TATDN1: variants seen among roughly 807,000 people sequenced by gnomAD.
The protein encoded by TATDN1 is deoxyribonuclease TATDN1.
Under a neutral mutation model 46.4 loss-of-function variants are expected in TATDN1, and 40 were observed. That is an observed-to-expected ratio of 0.86 (90% CI 0.67 to 1.12). The LOEUF is 1.12. Ranked by LOEUF, TATDN1 falls within the 50% of genes most tolerant of loss-of-function variation. TATDN1 has a pLI of 0.00. For missense variants in TATDN1, 326 were observed against 348.4 expected (o/e 0.94, Z 0.51); for synonymous variants, 95 against 105.6 (o/e 0.90, Z 0.62).
At chr8:124,521,987 AGT>A (rs1172257289) in intron 3 of TATDN1, 162 bp downstream of exon 3, 35 of 545,640 alleles carry the variant, frequency 6.4e-5, no homozygotes, top group Non-Finnish European at 1.0e-4. Context: ...CTATGAACAG[AGT>A]ATTTTGATAT....
intron 1 of TATDN1, among the ~76,000 whole-genome samples, chr8:124,529,051 A>G (rs1021446890): frequency 3.3e-5 from 5 of 152,188 alleles, no homozygotes; most frequent in African/African-American, 1.2e-4. Flanking sequence ...AATGGTCATG[A>G]GCAATCCTGA....
At chr8:124,529,733 T>A (rs1053584153) in intron 1 of TATDN1, among the ~76,000 whole-genome samples, 1 of 152,226 alleles carries the variant, frequency 6.6e-6, no homozygotes, top group Non-Finnish European at 1.5e-5. Context: ...TGTAGGGATA[T>A]ATTTTTAACT....
intron 2 of TATDN1, among the ~76,000 whole-genome samples, chr8:124,522,702 A>T (rs1384559022): frequency 6.6e-6 from 1 of 152,134 alleles, no homozygotes; most frequent in African/African-American, 2.4e-5. Flanking sequence ...TACAGGCATG[A>T]GCCACTGCGC....
intron 8 of TATDN1, chr8:124,504,742 G>C (rs1818258148): frequency 6.6e-6 from 1 of 152,626 alleles, no homozygotes; most frequent in Non-Finnish European, 1.5e-5. Flanking sequence ...TTCTGTTAGA[G>C]GATACTTTTT....
At chr8:124,506,504 C>T (rs1818447783) in intron 8 of TATDN1, among the ~76,000 whole-genome samples, 1 of 151,858 alleles carries the variant, frequency 6.6e-6, no homozygotes, top group Non-Finnish European at 1.5e-5. Context: ...GGATAAATTA[C>T]AGAGTAAGTA....
intron 8 of TATDN1, among the ~76,000 whole-genome samples, chr8:124,507,740 T>C (rs1818613176): frequency 6.7e-6 from 1 of 149,812 alleles, no homozygotes; most frequent in African/African-American, 2.5e-5. Context: ...ATTGTGCCAC[T>C]GCACTTCAGC....
chr8:124,491,091 G>A (rs1047005597), intron 11 of TATDN1: 1 of 151,606 alleles, frequency 6.6e-6, no homozygotes. Flanking sequence ...GCCAGGCAAA[G>A]GTTTTTAAAG....
intron 8 of TATDN1, among the ~76,000 whole-genome samples, chr8:124,506,366 A>AAAAAG (rs1299401006): frequency 6.6e-6 from 1 of 151,606 alleles, no homozygotes; most frequent in Non-Finnish European, 1.5e-5. Context: ...AGAAAAAGAA[A>AAAAAG]AAAAGAAAAG....
chr8:124,538,907 A>G, intron 1 of TATDN1, 118 bp downstream of exon 1: 1 of 1,213,758 alleles, frequency 8.2e-7, no homozygotes, highest in South Asian at 1.3e-5. Context: ...TCCTCCACTG[A>G]GCGGCCCTTT....
chr8:124,501,438 A>C (rs1230567485), intron 9 of TATDN1, among the ~76,000 whole-genome samples: 1 of 152,034 alleles, frequency 6.6e-6, no homozygotes, highest in Non-Finnish European at 1.5e-5. Context: ...TTAAATAGAC[A>C]GTGAAGGACT....
At chr8:124,518,595 TTAAAA>T (rs1819741251) in intron 4 of TATDN1, 1 of 428,734 alleles carries the variant, frequency 2.3e-6, no homozygotes, top group East Asian at 4.0e-5. Flanking sequence ...AGCTGAAATC[TTAAAA>T]TAATCTTCAT....
chr8:124,513,968 C>G (rs1219692200), intron 6 of TATDN1, among the ~76,000 whole-genome samples: 1 of 152,188 alleles, frequency 6.6e-6, no homozygotes, highest in Non-Finnish European at 1.5e-5. Context: ...AGGTATAGGG[C>G]TTCAGTAACC....
chr8:124,496,986 A>C (rs757368363), intron 9 of TATDN1, among the ~76,000 whole-genome samples: 2 of 152,202 alleles, frequency 1.3e-5, no homozygotes, highest in Admixed American at 1.3e-4. Flanking sequence ...TCTGAGCATA[A>C]GGATTCTTGT....
intron 3 of TATDN1, among the ~76,000 whole-genome samples, chr8:124,519,537 T>C (rs1819846931): frequency 6.6e-6 from 1 of 152,250 alleles, no homozygotes; most frequent in Non-Finnish European, 1.5e-5. Flanking sequence ...AAAAATATGC[T>C]ATTTATGTTA....
chr8:124,530,543 G>A (rs1339481667), intron 1 of TATDN1, among the ~76,000 whole-genome samples: 3 of 152,132 alleles, frequency 2.0e-5, no homozygotes, highest in African/African-American at 7.2e-5. Context: ...ACTGAACCAA[G>A]GGAAAAACCA....
rs774428108 is a variant in TATDN1 at position 124,518,907 on chromosome 8, G to T, written c.139-26C>A. On this transcript the variant is annotated intron_variant, in intron 3 of 11. Coordinates refer to ENST00000276692, the MANE Select transcript of TATDN1 (RefSeq NM_032026.4). ...CTGAAATAGAAAGAAAATAAAATAA[G>T]CTGACTTTAATAGGGCAGCAATAAC... is the stretch of plus-strand genomic sequence containing the variant. 3 of 1,517,732 alleles carry T rather than the reference G, an allele frequency of 2.0e-6. No individual in the cohort carries two copies. The South Asian group carries it at 3.5e-5, about 17-fold the overall frequency. 94.0% of individuals were successfully genotyped at this position (1,517,732 alleles called of 1,614,324 possible).
chr8:124,521,993 T>C (rs898981125), intron 3 of TATDN1, 158 bp downstream of exon 3: 7 of 553,876 alleles, frequency 1.3e-5, no homozygotes, highest in Admixed American at 7.6e-5. Context: ...ACAGAGTATT[T>C]TGATATTTTG....
Position 124,515,902 on chromosome 8 carries a change from C to T in TATDN1, c.331G>A (p.Gly111Arg). 1.2e-6 allele frequency: 2 copies of T among 1,614,096 alleles called. No individual in the cohort carries two copies. Among genetic ancestry groups the T allele is most frequent in the Non-Finnish European group, 1.7e-6 (2 of 1,179,994 alleles). Residue 111 changes from glycine (G) to arginine (R), a missense_variant, in exon 5 of 12, where the codon GGA becomes AGA. Gly to Arg is a moderately radical substitution (Grantham distance 125). Coordinates refer to ENST00000276692, the MANE Select transcript of TATDN1 (RefSeq NM_032026.4). ...TGGCACTCACCAAGTCCGCATTCTC[C>T]TATTGCCACAACTTTCCCTTTATTG... Reference protein sequence around the residue: ...ENNKGKVVAIGECGLDFDRLQ... With the variant: ...ENNKGKVVAIRECGLDFDRLQ...
rs1466987239 is a variant in TATDN1, at chr8:124,538,028, T to C, written c.22+997A>G. Among the ~76,000 whole-genome samples the C allele has an allele frequency of 4.6e-5, 7 of 152,310 alleles. 1 individual carries two copies. The highest frequency in any genetic ancestry group is 2.0e-4 in the Admixed American group (3 of 15,302). ...CTTGATTGCCAGACCACATTCCCAA[T>C]TGCCCAGATATCTCTACCTGGATGT... On this transcript the variant is annotated intron_variant, in intron 1 of 11. Coordinates refer to ENST00000276692, the MANE Select transcript of TATDN1 (RefSeq NM_032026.4).
Sources: allele counts gnomAD v4.1 joint callset (sites outside exome capture counted in the v4.1 genomes callset), GRCh38; gene constraint gnomAD v4.1.1; transcripts MANE v1.5; gene names NCBI Gene and HGNC (gene_info 2026-07-23, HGNC 2026-07-21).